Variants in PEX7 observed in about 807,000 individuals in gnomAD.
PEX7 encodes PTS2 receptor.
PEX7 carries 34 observed loss-of-function variants against 47.5 expected under a neutral mutation model. The ratio of observed to expected loss-of-function variants is 0.72; its 90% CI spans 0.54 to 0.95. The LOEUF (loss-of-function observed/expected upper bound fraction) is 0.95, where lower values mean the gene tolerates loss of function less well. Ranked by LOEUF, PEX7 falls within the 40% of genes least tolerant of loss-of-function variation. The pLI is 0.00. For synonymous variants in PEX7, 141 were observed against 148.8 expected (o/e 0.95, Z 0.38); for missense variants, 394 against 400.3 (o/e 0.98, Z 0.13).
In PEX7 at chr6:136,822,756, C is replaced by T. The variant is rs1161356999; in HGVS notation, c.91C>T (p.Arg31Cys). 6.8e-7 allele frequency: 1 copy of T among 1,481,218 alleles called. No homozygotes were observed. Among genetic ancestry groups the T allele is most frequent in the Non-Finnish European group, 8.9e-7 (1 of 1,122,942 alleles). 91.8% of individuals were successfully genotyped at this position (1,481,218 alleles called of 1,614,324 possible). The change falls in exon 1 of 10, where the codon CGC (arginine) becomes TGC (cysteine). Residue 31 changes from arginine (R) to cysteine (C), a missense_variant. Coordinates refer to ENST00000318471, the MANE Select transcript of PEX7 (RefSeq NM_000288.4). ...CGAGTTCTCCCCGTACCTGCCGGGC[C>T]GCCTGGCCTGCGCCACCGCGCAGCA... Reference protein sequence around the residue: ...AAEFSPYLPGRLACATAQHYG... With the variant: ...AAEFSPYLPGCLACATAQHYG...
At chr6:136,823,672 CTT>C (rs1233370260) in intron 1 of PEX7, among the ~76,000 whole-genome samples, 2 of 152,304 alleles carry the variant, frequency 1.3e-5, no homozygotes, top group Admixed American at 1.3e-4. Flanking sequence ...GGGCGGATCA[CTT>C]GAGTTCGGGA....
chr6:136,828,483 C>T (rs1185146552), intron 3 of PEX7, among the ~76,000 whole-genome samples: 2 of 152,184 alleles, frequency 1.3e-5, no homozygotes, highest in East Asian at 3.8e-4. Context: ...CAACCAACTG[C>T]TGCTTTTAGT....
chr6:136,849,209 A>G (rs546841559), intron 5 of PEX7, among the ~76,000 whole-genome samples: 13 of 152,016 alleles, frequency 8.6e-5, no homozygotes, highest in Admixed American at 3.3e-4. Flanking sequence ...CCCCTTTATC[A>G]TTTTTTATAG....
chr6:136,879,045 A>G (rs1775329264), intron 8 of PEX7, among the ~76,000 whole-genome samples: 1 of 152,122 alleles, frequency 6.6e-6, no homozygotes, highest in South Asian at 2.1e-4. Flanking sequence ...TTCTTATATA[A>G]TAACCAGTGA....
chr6:136,904,143 G>A lies in PEX7; in HGVS notation c.903+5902G>A, dbSNP rs117255393. ...CATTATTGGTAGTTAGGATATTTGT[G>A]TCCTGTTCACCTTTTATGTCAGGTG... On this transcript the variant is annotated intron_variant, in intron 9 of 9. Transcript: ENST00000318471. Among the ~76,000 whole-genome samples, 519 of 152,274 alleles carry A rather than the reference G, an allele frequency of 3.4e-3. 9 individuals carry two copies. In the South Asian group the frequency reaches 0.041, roughly 12 times the overall value.
chr6:136,858,330 G>T (rs1199128342), intron 5 of PEX7, among the ~76,000 whole-genome samples: 1 of 152,186 alleles, frequency 6.6e-6, no homozygotes, highest in African/African-American at 2.4e-5. Flanking sequence ...CATCAGAATG[G>T]CCTTTGCAGT....
Position 136,900,414 on chromosome 6 carries a change from C to T in PEX7, c.903+2173C>T. The T allele has an allele frequency of 2.5e-6, 1 of 399,742 alleles. No homozygotes were observed. The highest frequency in any genetic ancestry group is 5.0e-6 in the Non-Finnish European group (1 of 199,824). The allele number at this position is 399,742 out of a possible 1,614,324, so 24.8% of individuals were successfully genotyped here. ...TAGTGGCAGGTTCTTTAGCCTTTGCCTTTTCCAGCTTGGCAGTGTGAGCCA... is the reference window on the plus strand; with the variant it reads ...TAGTGGCAGGTTCTTTAGCCTTTGCTTTTTCCAGCTTGGCAGTGTGAGCCA... On this transcript the variant is annotated intron_variant, in intron 9 of 9. Coordinates refer to ENST00000318471, the MANE Select transcript of PEX7 (RefSeq NM_000288.4). This position sits in a 1 kb window ranked among gnomAD's most constrained non-coding sequence, Gnocchi z 4.2.
At chr6:136,848,480 G>T (rs941752068) in intron 5 of PEX7, among the ~76,000 whole-genome samples, 1 of 152,162 alleles carries the variant, frequency 6.6e-6, no homozygotes, top group African/African-American at 2.4e-5. Flanking sequence ...CATATTGGCT[G>T]TGGGTTTGTC....
At chr6:136,886,495 G>T (rs1775469761) in intron 8 of PEX7, among the ~76,000 whole-genome samples, 2 of 152,190 alleles carry the variant, frequency 1.3e-5, no homozygotes, top group Non-Finnish European at 2.9e-5. Flanking sequence ...TGTTTTAAAT[G>T]AGAATACTAG....
At chr6:136,875,570 A>G (rs1487677224) in intron 8 of PEX7, among the ~76,000 whole-genome samples, 1 of 152,248 alleles carries the variant, frequency 6.6e-6, no homozygotes. Context: ...GTGGAACCTA[A>G]TAAATGATCA....
In PEX7 at chr6:136,888,066, CT is replaced by C. The variant is rs1229805021; in HGVS notation, c.804-10073del. 3.3e-5 allele frequency among the ~76,000 whole-genome samples: 5 copies of C among 151,972 alleles called. No individual in the cohort carries two copies. In the South Asian group the frequency reaches 1.0e-3, roughly 32 times the overall value. ...GAGATTTCCACAGGCAGATACTTCT[CT>C]TTCTTCCCCTTCCCCTTAAAAAAAG... On this transcript the variant is annotated intron_variant, in intron 8 of 9. Coordinates refer to ENST00000318471, the MANE Select transcript of PEX7 (RefSeq NM_000288.4).
Position 136,862,043 on chromosome 6 carries a change from T to TTA in PEX7, c.527-4570_527-4569dup, listed in dbSNP as rs905312169. ...TTTATATATATATATTTTATATATA[T>TTA]TATATATATATATATTATATATATA... On this transcript the variant is annotated intron_variant, in intron 5 of 9. Transcript: ENST00000318471. Among the ~76,000 whole-genome samples the TTA allele has an allele frequency of 1.7e-3, 218 of 130,718 alleles. 1 individual carries two copies. Among genetic ancestry groups the TTA allele is most frequent in the Middle Eastern group, 0.015 (4 of 260 alleles). The allele number at this position is 130,718 out of a possible 152,430, so 85.8% of individuals were successfully genotyped here.
At chr6:136,866,963 G>A (rs889844528) in intron 6 of PEX7, among the ~76,000 whole-genome samples, 3 of 152,168 alleles carry the variant, frequency 2.0e-5, no homozygotes, top group Non-Finnish European at 4.4e-5. Flanking sequence ...AAGTTCAACA[G>A]TGCAGGCTTA....
At chr6:136,891,115 A>C (rs1212398283) in intron 8 of PEX7, among the ~76,000 whole-genome samples, 1 of 152,180 alleles carries the variant, frequency 6.6e-6, no homozygotes. Context: ...CATTCTTCAG[A>C]AAGTCATCCA....
At chr6:136,835,872 C>T (rs1774376539) in intron 3 of PEX7, among the ~76,000 whole-genome samples, 1 of 152,084 alleles carries the variant, frequency 6.6e-6, no homozygotes, top group Admixed American at 6.5e-5. Context: ...CTCAAAGTTT[C>T]TAAAATTTTT....
At chr6:136,851,870 TG>T (rs1774762299) in intron 5 of PEX7, among the ~76,000 whole-genome samples, 1 of 38,816 alleles carries the variant, frequency 2.6e-5, no homozygotes, top group Non-Finnish European at 4.6e-5. Flanking sequence ...CTTGTAAATT[TG>T]TTTGAGTTCA....
Position 136,844,157 on chromosome 6 carries a change from G to A in PEX7, c.340-1458G>A, listed in dbSNP as rs12202127. ...AGGCGGTAGGACTGCTTGAGCCTAG[G>A]AGTTTGAGACCAGCCTGGGGAACAT... On this transcript the variant is annotated intron_variant, in intron 3 of 9. Coordinates refer to ENST00000318471, the MANE Select transcript of PEX7 (RefSeq NM_000288.4). 9.9e-3 allele frequency among the ~76,000 whole-genome samples: 1,504 copies of A among 152,194 alleles called. 9 individuals carry two copies. Among genetic ancestry groups the A allele is most frequent in the Non-Finnish European group, 0.014 (967 of 68,008 alleles).
At chr6:136,856,542 C>G (rs1348009826) in intron 5 of PEX7, among the ~76,000 whole-genome samples, 2 of 151,948 alleles carry the variant, frequency 1.3e-5, no homozygotes, top group African/African-American at 2.4e-5. Flanking sequence ...GTGAAAGATT[C>G]CTTCTCAGAC....
chr6:136,882,608 G>A (rs7750251), intron 8 of PEX7, among the ~76,000 whole-genome samples: 90,613 of 151,852 alleles, frequency 0.6, 27,039 homozygotes, highest in African/African-American at 0.62. Context: ...TTTCTAAGCT[G>A]GGCCTGCAGA....
Sources: gnomAD v4.1 joint callset for allele counts (sites outside exome capture counted in the v4.1 genomes callset) on GRCh38, gnomAD v4.1.1 for gene constraint, Gnocchi (gnomAD v3.1) non-coding constraint, MANE v1.5 for transcripts, NCBI Gene and HGNC (gene_info 2026-07-23, HGNC 2026-07-21) for gene names.